Variants in NUP98 observed in about 807,000 individuals in gnomAD.
NUP98 encodes nuclear pore complex protein Nup98-Nup96.
In NUP98, 26 loss-of-function variants were observed where a neutral mutation model predicts 191.9. The observed-to-expected ratio is 0.14, with a 90% CI of 0.10 to 0.19. The LOEUF (loss-of-function observed/expected upper bound fraction) is 0.19, where lower values mean the gene tolerates loss of function less well. Among genes scored for constraint, NUP98 ranks in the 10% least tolerant of loss-of-function variants. NUP98 has a pLI of 1.00. For synonymous variants in NUP98, 808 were observed against 778.4 expected (o/e 1.04, Z -0.63); for missense variants, 1,941 against 2,178.8 (o/e 0.89, Z 2.17).
rs754592734 is a variant in NUP98 at position 3,676,537 on chromosome 11, G to A, written c.5157C>T (p.Tyr1719=). ...ACTGAGCCAGGCGATCTTTAGCACT[G>A]TAACACTGAATCTGCTCTATCCGAC... The part of the protein sequence containing the change: ...LCSRIEQIQC[Y]SAKDRLAQSD... Residue 1719 remains tyrosine, a synonymous_variant, in exon 32 of 33, where the codon TAC becomes TAT. Coordinates refer to ENST00000324932, the MANE Select transcript of NUP98 (RefSeq NM_016320.5). 5 of 1,614,136 alleles carry A rather than the reference G, an allele frequency of 3.1e-6. No individual in the cohort carries two copies. The highest frequency in any genetic ancestry group is 4.2e-6 in the Non-Finnish European group (5 of 1,179,958).
chr11:3,797,443 C>T lies in NUP98; in HGVS notation c.-72G>A. On this transcript the variant is annotated 5_prime_UTR_variant, in exon 1 of 33. Coordinates refer to ENST00000324932, the MANE Select transcript of NUP98 (RefSeq NM_016320.5). ...GGGAAGTGTCAGGAGTCCCCTGCTGCCACCCGCCGCTCACAGAGCAGCGCG... is the reference window on the plus strand; with the variant it reads ...GGGAAGTGTCAGGAGTCCCCTGCTGTCACCCGCCGCTCACAGAGCAGCGCG... The T allele has an allele frequency of 2.4e-6, 1 of 414,266 alleles. No individual in the cohort carries two copies. The highest frequency in any genetic ancestry group is 4.3e-6 in the Non-Finnish European group (1 of 235,258). The allele number at this position is 414,266 out of a possible 1,614,324, so 25.7% of individuals were successfully genotyped here.
chr11:3,784,634 G>A (rs1359662041), intron 1 of NUP98, among the ~76,000 whole-genome samples: 1 of 149,412 alleles, frequency 6.7e-6, no homozygotes, highest in African/African-American at 2.5e-5. Context: ...CCTGTACGAA[G>A]CTCCAGCTAC....
chr11:3,748,171 A>G (rs1463524942), intron 11 of NUP98, among the ~76,000 whole-genome samples: 4 of 152,220 alleles, frequency 2.6e-5, no homozygotes, highest in Non-Finnish European at 5.9e-5. Context: ...TGAGAGACAA[A>G]AGCATCAGAA....
At chr11:3,676,701 T>G (rs759420147) in intron 31 of NUP98, 81 bp from the exon 32 acceptor site, 1 of 1,111,280 alleles carries the variant, frequency 9.0e-7, no homozygotes, top group Non-Finnish European at 1.4e-6. Context: ...ACACAAAACC[T>G]TGAAACAACA....
intron 8 of NUP98, among the ~76,000 whole-genome samples, chr11:3,766,988 A>C (rs2081360677): frequency 6.6e-6 from 1 of 152,132 alleles, no homozygotes; most frequent in Admixed American, 6.6e-5. Context: ...GTTTTGAGAC[A>C]GAGTCCCGCT....
chr11:3,683,557 TG>T (rs1293106715), intron 29 of NUP98, 116 bp from the exon 30 acceptor site: 34 of 824,616 alleles, frequency 4.1e-5, no homozygotes, highest in South Asian at 1.8e-4. Context: ...TTTTTTTTTT[TG>T]ATGGAGTTTC....
rs148825373 is a variant in NUP98, at chr11:3,691,174, G to A, written c.4454+173C>T. Among the ~76,000 whole-genome samples, 1,412 of 152,216 alleles carry A rather than the reference G, an allele frequency of 9.3e-3. 12 individuals are homozygous for A. The highest frequency in any genetic ancestry group is 0.029 in the African/African-American group (1,221 of 41,542). On this transcript the variant is annotated intron_variant, in intron 28 of 32. Transcript: ENST00000324932. ...TTAAAGTTGATTAAAATAATTTTTA[G>A]ACTTCTAATTCTAGTTCTAATGCTC...
rs34136134 is a variant in NUP98, at chr11:3,692,594, CA to C, written c.4311+637del. ...TGGGCTACACAGCGAGACTCCATCT[CA>C]AAAAAAAAAAAAGTAAACAGACAAC... On this transcript the variant is annotated intron_variant, in intron 27 of 32. Coordinates refer to ENST00000324932, the MANE Select transcript of NUP98 (RefSeq NM_016320.5). 9.5e-3 allele frequency among the ~76,000 whole-genome samples: 1,290 copies of C among 135,992 alleles called. 12 individuals are homozygous for C. The highest frequency in any genetic ancestry group is 0.024 in the African/African-American group (903 of 36,998). 89.2% of individuals were successfully genotyped at this position (135,992 alleles called of 152,430 possible).
At chr11:3,702,335 TCTCTCTCTCTCTC>T (rs2078727453) in intron 23 of NUP98, 115 bp downstream of exon 23, 1 of 202,810 alleles carries the variant, frequency 4.9e-6, no homozygotes, top group African/African-American at 3.2e-5. Context: ...TCTCTCTCTC[TCTCTCTCTCTCTC>T]TCTCTCTCTC....
intron 1 of NUP98, among the ~76,000 whole-genome samples, chr11:3,784,769 C>T (rs968799128): frequency 1.3e-5 from 2 of 151,278 alleles, no homozygotes; most frequent in African/African-American, 4.9e-5. Context: ...AGGCTCCATT[C>T]TAGAAATATT....
Position 3,712,613 on chromosome 11 carries a change from G to A in NUP98, c.2693C>T (p.Thr898Ile), listed in dbSNP as rs371207748. The A allele has an allele frequency of 1.2e-6, 2 of 1,613,972 alleles. No individual in the cohort carries two copies. The highest frequency in any genetic ancestry group is 2.7e-5 in the African/African-American group (2 of 74,936). ...ATTAAGAGCCATCTGCAAGGGCGTA[G>A]TCTGGCTTGCAGGAGGCAAAGGAGC... ...KTAPLPPASQ[T>I]TPLQMALNGK... Residue 898 changes from threonine to isoleucine, a missense_variant, in exon 20 of 33, where the codon ACT (threonine) becomes ATT (isoleucine). Transcript: ENST00000324932.
intron 25 of NUP98, chr11:3,698,864 A>C: frequency 1.8e-6 from 1 of 569,862 alleles, no homozygotes; most frequent in Non-Finnish European, 3.1e-6. Context: ...ATGTCTTCTA[A>C]TTCTCTGTTT....
At position 3,737,086 on chromosome 11, in the gene NUP98, TGAA is replaced by T. The variant is rs1188134151; in HGVS notation, c.1409-1765_1409-1763del. Among the ~76,000 whole-genome samples the T allele has an allele frequency of 3.9e-5, 6 of 152,134 alleles. No individual in the cohort carries two copies. The South Asian group carries it at 1.0e-3, about 26-fold the overall frequency. ...CAAAACCACTACAGTATACCCTGAC[TGAA>T]GAAGAAACCTCTTTGCAAGATAAAA... On this transcript the variant is annotated intron_variant, in intron 12 of 32. Coordinates refer to ENST00000324932, the MANE Select transcript of NUP98 (RefSeq NM_016320.5).
At chr11:3,755,875 G>A (rs1344696546) in intron 10 of NUP98, among the ~76,000 whole-genome samples, 2 of 151,850 alleles carry the variant, frequency 1.3e-5, no homozygotes. Context: ...GAGGCAGAGA[G>A]CTGCTTGAAC....
rs911783565 is a variant in NUP98, at chr11:3,675,216, A to G, written c.*943T>C. ...CTCATGCCATTACCTGGGGCTCCCT[A>G]TAGCTGTCAGCAGTGTAGCAAAGGC... is the stretch of plus-strand genomic sequence containing the variant. On this transcript the variant is annotated 3_prime_UTR_variant, in exon 33 of 33. Transcript: ENST00000324932. 6 of 214,810 alleles carry G rather than the reference A, an allele frequency of 2.8e-5. No homozygotes were observed. The highest frequency in any genetic ancestry group is 1.2e-4 in the Admixed American group (2 of 17,058). The allele number at this position is 214,810 out of a possible 1,614,324, so 13.3% of individuals were successfully genotyped here. A position where few individuals can be genotyped will look rare whatever the true frequency, so the allele number is the denominator to read the frequency against.
chr11:3,756,359 A>G (rs973901568), intron 10 of NUP98, among the ~76,000 whole-genome samples: 4 of 152,178 alleles, frequency 2.6e-5, no homozygotes, highest in South Asian at 4.1e-4. Context: ...TAAAAAGACA[A>G]TTCAAATTCG....
At chr11:3,787,821 G>A (rs1425370403) in intron 1 of NUP98, among the ~76,000 whole-genome samples, 5 of 151,850 alleles carry the variant, frequency 3.3e-5, no homozygotes, top group East Asian at 1.9e-4. Context: ...GTGAAACCCC[G>A]TCTCTACTGA....
intron 28 of NUP98, among the ~76,000 whole-genome samples, chr11:3,687,710 T>G (rs1203049701): frequency 6.6e-6 from 1 of 152,228 alleles, no homozygotes; most frequent in Non-Finnish European, 1.5e-5. Context: ...TTAAAGATCC[T>G]ACAGATATTT....
intron 7 of NUP98, among the ~76,000 whole-genome samples, chr11:3,769,458 G>T (rs1333007474): frequency 6.7e-6 from 1 of 149,978 alleles, no homozygotes; most frequent in Non-Finnish European, 1.5e-5. Flanking sequence ...AAAAAATTAT[G>T]AAACATTAGC....
Sources: allele counts gnomAD v4.1 joint callset (sites outside exome capture counted in the v4.1 genomes callset), GRCh38; gene constraint gnomAD v4.1.1; transcripts MANE v1.5; gene names NCBI Gene and HGNC (gene_info 2026-07-23, HGNC 2026-07-21).